RBFOX1: variants seen among roughly 807,000 people sequenced by gnomAD.
RBFOX1 encodes RNA binding protein fox-1 homolog 1.
RBFOX1 carries 8 observed loss-of-function variants against 57.7 expected under a neutral mutation model. The ratio of observed to expected loss-of-function variants is 0.14; its 90% CI spans 0.08 to 0.25. The LOEUF (loss-of-function observed/expected upper bound fraction) is 0.25, where lower values mean the gene tolerates loss of function less well. RBFOX1 is among the 10% of genes least tolerant of loss of function. The pLI, the probability that RBFOX1 is intolerant of heterozygous loss-of-function variation, is 1.00. For synonymous variants in RBFOX1, 326 were observed against 222.4 expected, an observed-to-expected ratio of 1.47 and a Z score of -4.15; for missense variants, 611 against 548.5, an observed-to-expected ratio of 1.11 and a Z score of -1.14.
At chr16:6,996,328 A>G (rs953760986) in intron 3 of RBFOX1, among the ~76,000 whole-genome samples, 2 of 152,174 alleles carry the variant, frequency 1.3e-5, no homozygotes, top group Admixed American at 1.3e-4. Context: ...TAAATTTGAT[A>G]TTCGGACAGC....
At chr16:7,698,651 AT>A (rs1340573651) in intron 14 of RBFOX1, among the ~76,000 whole-genome samples, 1 of 152,134 alleles carries the variant, frequency 6.6e-6, no homozygotes, top group East Asian at 1.9e-4. Flanking sequence ...TCTTTTCTGC[AT>A]TTTAGTGATT....
chr16:7,108,991 G>A (rs2064129974), intron 4 of RBFOX1, among the ~76,000 whole-genome samples: 1 of 152,152 alleles, frequency 6.6e-6, no homozygotes, highest in South Asian at 2.1e-4. Context: ...TGGTAGGTTT[G>A]CATTTGTCAA....
chr16:7,671,536 T>G (rs369199761), intron 13 of RBFOX1: 2 of 1,595,210 alleles, frequency 1.3e-6, no homozygotes, highest in Non-Finnish European at 1.7e-6. Flanking sequence ...TTGAAAACAT[T>G]ACATTTCTGT....
intron 2 of RBFOX1, among the ~76,000 whole-genome samples, chr16:6,537,788 C>T (rs1230214203): frequency 7.2e-5 from 11 of 152,090 alleles, no homozygotes; most frequent in African/African-American, 2.7e-4. Context: ...ATAGTGCTCA[C>T]TGGTAGCTGA....
At chr16:5,504,323 C>A (rs1335558853) in intron 2 of RBFOX1, among the ~76,000 whole-genome samples, 1 of 152,242 alleles carries the variant, frequency 6.6e-6, no homozygotes, top group South Asian at 2.1e-4. Flanking sequence ...CTGCCAGGAG[C>A]CTGCTGGGCC....
At chr16:5,443,780 CA>C in intron 1 of RBFOX1, among the ~76,000 whole-genome samples, 1 of 152,322 alleles carries the variant, frequency 6.6e-6, no homozygotes, top group African/African-American at 2.4e-5. Context: ...TCTTGCAAGA[CA>C]TACATTCATT....
At chr16:7,693,522 C>A (rs532009002) in intron 14 of RBFOX1, among the ~76,000 whole-genome samples, 246 of 150,698 alleles carry the variant, frequency 1.6e-3, no homozygotes, top group Non-Finnish European at 3.0e-3. Flanking sequence ...CAGCTGAAGC[C>A]TTGAGGCTCT....
At chr16:7,349,316 G>A (rs192714613) in intron 4 of RBFOX1, among the ~76,000 whole-genome samples, 51 of 152,190 alleles carry the variant, frequency 3.4e-4, no homozygotes, top group Non-Finnish European at 6.3e-4. Flanking sequence ...CAAACCAAAC[G>A]CATGTCTAAG....
At chr16:7,044,859 T>C (rs1235165562) in intron 3 of RBFOX1, among the ~76,000 whole-genome samples, 1 of 152,092 alleles carries the variant, frequency 6.6e-6, no homozygotes, top group African/African-American at 2.4e-5. Context: ...CCACCTCCCC[T>C]CTCCCCACCC....
intron 4 of RBFOX1, among the ~76,000 whole-genome samples, chr16:7,367,096 T>C (rs2097466494): frequency 6.6e-6 from 1 of 151,302 alleles, no homozygotes; most frequent in Non-Finnish European, 1.5e-5. Flanking sequence ...ATGGTGTCAG[T>C]GAATCATGAA....
intron 4 of RBFOX1, among the ~76,000 whole-genome samples, chr16:7,399,995 G>T (rs4787012): frequency 6.6e-6 from 1 of 152,156 alleles, no homozygotes; most frequent in South Asian, 2.1e-4. Flanking sequence ...ATATTTTAAA[G>T]TTTTATCTTA....
intron 2 of RBFOX1, among the ~76,000 whole-genome samples, chr16:5,565,627 C>CATAAATAA (rs55680549): frequency 0.044 from 6,295 of 142,772 alleles, 159 homozygotes; most frequent in East Asian, 0.075. Flanking sequence ...CTCTGCCTTA[C>CATAAATAA]ATAAATAAAT....
At chr16:7,086,748 A>G (rs2060053842) in intron 4 of RBFOX1, among the ~76,000 whole-genome samples, 2 of 152,206 alleles carry the variant, frequency 1.3e-5, no homozygotes, top group African/African-American at 4.8e-5. Context: ...ACACTTTAAA[A>G]TTTGGTCTTC....
intron 4 of RBFOX1, among the ~76,000 whole-genome samples, chr16:7,441,221 A>T (rs992049526): frequency 2.6e-5 from 4 of 152,154 alleles, no homozygotes; most frequent in African/African-American, 9.7e-5. Flanking sequence ...TGGCGATTCG[A>T]CCTCTGAAAG....
At chr16:6,502,250 A>G (rs1232789466) in intron 2 of RBFOX1, among the ~76,000 whole-genome samples, 1 of 152,140 alleles carries the variant, frequency 6.6e-6, no homozygotes, top group Non-Finnish European at 1.5e-5. Flanking sequence ...GATCGGCTAC[A>G]ATAGTAGTGG....
In RBFOX1 at chr16:7,243,524, T is replaced by C. The variant is rs183170771; in HGVS notation, c.27+191426T>C. On this transcript the variant is annotated intron_variant, in intron 4 of 15. Coordinates refer to ENST00000550418, the MANE Select transcript of RBFOX1 (RefSeq NM_018723.4). ...CTAAGCAGAAGGGCTCCCCAGGAAG[T>C]TGACCCCTTACTCTTTATTAGTAGT... Among the ~76,000 whole-genome samples the C allele has an allele frequency of 7.9e-4, 120 of 152,284 alleles. 2 individuals carry two copies. In the Middle Eastern group the frequency reaches 0.024, roughly 30 times the overall value.
intron 4 of RBFOX1, among the ~76,000 whole-genome samples, chr16:5,983,313 G>C (rs562792700): frequency 6.6e-6 from 1 of 152,312 alleles, no homozygotes; most frequent in Non-Finnish European, 1.5e-5. Context: ...TAGTGGGTGG[G>C]GAGGAGAAAA....
chr16:6,566,635 A>G (rs562449608), intron 2 of RBFOX1, among the ~76,000 whole-genome samples: 1 of 152,214 alleles, frequency 6.6e-6, no homozygotes, highest in East Asian at 1.9e-4. Context: ...ATAGGTATTC[A>G]TTTTGACCCC....
At chr16:5,981,397 C>T (rs1260564252) in intron 4 of RBFOX1, among the ~76,000 whole-genome samples, 1 of 152,162 alleles carries the variant, frequency 6.6e-6, no homozygotes, top group Non-Finnish European at 1.5e-5. Flanking sequence ...CCAGATAATG[C>T]TAATGTTTAA....
Sources: gnomAD v4.1 joint callset for allele counts (sites outside exome capture counted in the v4.1 genomes callset) on GRCh38, gnomAD v4.1.1 for gene constraint, MANE v1.5 for transcripts, NCBI Gene and HGNC (gene_info 2026-07-23, HGNC 2026-07-21) for gene names.